C14orf132: variants seen among roughly 807,000 people sequenced by gnomAD.
The protein encoded by C14orf132 is chromosome 14 open reading frame 132.
C14orf132 carries 6 observed loss-of-function variants against 5.8 expected under a neutral mutation model. The observed-to-expected ratio is 1.03, with a 90% confidence interval of 0.57 to 2.04. C14orf132 has a LOEUF of 2.04. Ranked by LOEUF, C14orf132 falls within the 30% of genes most tolerant of loss-of-function variation. C14orf132 has a pLI of 0.00. For missense variants in C14orf132, 125 were observed against 115.8 expected (o/e 1.08, Z -0.37); for synonymous variants, 51 against 49.8 (o/e 1.02, Z -0.10).
In C14orf132 at chr14:96,092,100, T is replaced by C. The variant is rs768047482; in HGVS notation, c.*5365T>C. On this transcript the variant is annotated 3_prime_UTR_variant, in exon 2 of 2. Coordinates refer to ENST00000555004, the MANE Select transcript of C14orf132 (RefSeq NM_001252507.3). ...AAGTACACAAAATGGACGCCATAAA[T>C]TCTGAAATAAAAGTGTATGATGTGT... 2 of 152,202 alleles carry C rather than the reference T, an allele frequency of 1.3e-5. No individual in the cohort carries two copies. Among genetic ancestry groups the C allele is most frequent in the Non-Finnish European group, 2.9e-5 (2 of 68,036 alleles). The allele number at this position is 152,202 out of a possible 1,614,324, so 9.4% of individuals were successfully genotyped here. A position where few individuals can be genotyped will look rare whatever the true frequency, so the allele number is the denominator to read the frequency against.
chr14:96,081,006 G>C (rs1888017326), intron 1 of C14orf132, among the ~76,000 whole-genome samples: 1 of 152,100 alleles, frequency 6.6e-6, no homozygotes, highest in Non-Finnish European at 1.5e-5. Flanking sequence ...ACCAGAATAG[G>C]CCATTTATAA....
intron 1 of C14orf132, among the ~76,000 whole-genome samples, chr14:96,085,407 C>T (rs890909433): frequency 6.6e-6 from 1 of 152,212 alleles, no homozygotes; most frequent in African/African-American, 2.4e-5. Flanking sequence ...CCTGGGAAGC[C>T]TGGACATGGG....
intron 1 of C14orf132, among the ~76,000 whole-genome samples, chr14:96,064,122 G>A (rs1337912206): frequency 1.3e-5 from 2 of 152,062 alleles, no homozygotes; most frequent in African/African-American, 4.8e-5. Context: ...TGGTGGGAAT[G>A]TAAACTAGTA....
Position 96,039,368 on chromosome 14 carries a change from C to G in C14orf132, c.-133C>G, listed in dbSNP as rs1566819890. On this transcript the variant is annotated 5_prime_UTR_variant, in exon 1 of 2. Transcript: ENST00000555004. This position sits in a 1 kb window ranked among gnomAD's most constrained non-coding sequence, Gnocchi z 5.3. ...CTAGTAGAGATCTGGAGCCAGAAGC[C>G]CAGAGACAGCCGAGTGCGCCGTGCG... The G allele has an allele frequency of 6.7e-6, 6 of 900,296 alleles. No homozygotes were observed. The East Asian group carries it at 2.0e-4, about 30-fold the overall frequency. 55.8% of individuals were successfully genotyped at this position (900,296 alleles called of 1,614,324 possible). A position where few individuals can be genotyped will look rare whatever the true frequency, so the allele number is the denominator to read the frequency against.
At chr14:96,053,534 T>C (rs12897867) in intron 1 of C14orf132, among the ~76,000 whole-genome samples, 10,519 of 152,296 alleles carry the variant, frequency 0.069, 507 homozygotes, top group East Asian at 0.15. Context: ...GCCCCCAGAA[T>C]GGGACTCTCC....
rs934956437 is a variant in C14orf132, at chr14:96,090,759, C to A, written c.*4024C>A. Reference sequence around the variant, plus strand: ...AAGGCAGCAGATGCTTTTCCAGCCCCGGTTCAGCTGGAAGGCTTGGAGGCT... The same window carrying A: ...AAGGCAGCAGATGCTTTTCCAGCCCAGGTTCAGCTGGAAGGCTTGGAGGCT... On this transcript the variant is annotated 3_prime_UTR_variant, in exon 2 of 2. Coordinates refer to ENST00000555004, the MANE Select transcript of C14orf132 (RefSeq NM_001252507.3). 2 of 455,900 alleles carry A rather than the reference C, an allele frequency of 4.4e-6. No homozygotes were observed. The highest frequency in any genetic ancestry group is 1.4e-4 in the East Asian group (2 of 14,392). The allele number at this position is 455,900 out of a possible 1,614,324, so 28.2% of individuals were successfully genotyped here.
In C14orf132 at chr14:96,091,347, A is replaced by G. The variant is rs1888398911; in HGVS notation, c.*4612A>G. The G allele has an allele frequency of 6.7e-6, 2 of 300,026 alleles. No homozygotes were observed. The highest frequency in any genetic ancestry group is 9.4e-5 in the Admixed American group (2 of 21,310). 18.6% of individuals were successfully genotyped at this position (300,026 alleles called of 1,614,324 possible). A position where few individuals can be genotyped will look rare whatever the true frequency, so the allele number is the denominator to read the frequency against. On this transcript the variant is annotated 3_prime_UTR_variant, in exon 2 of 2. Coordinates refer to ENST00000555004, the MANE Select transcript of C14orf132 (RefSeq NM_001252507.3). ...GGATTTATCAGTTCCAGAACCTCAC[A>G]GTGATAAGAGGCTTTAGAGAGCATC...
Position 96,083,648 on chromosome 14 carries a change from A to G in C14orf132, c.28-2863A>G, listed in dbSNP as rs542089560. Among the ~76,000 whole-genome samples the G allele has an allele frequency of 5.3e-5, 8 of 152,352 alleles. No individual in the cohort carries two copies. In the South Asian group the frequency reaches 8.3e-4, roughly 16 times the overall value. On this transcript the variant is annotated intron_variant, in intron 1 of 1. Coordinates refer to ENST00000555004, the MANE Select transcript of C14orf132 (RefSeq NM_001252507.3). ...GAGCCCAGGAATGTGAGCGGCCTCT[A>G]GAAGCTGGGAAAGGCGAGAAAACAG...
chr14:96,070,430 C>T (rs948571092), intron 1 of C14orf132, among the ~76,000 whole-genome samples: 2 of 152,126 alleles, frequency 1.3e-5, no homozygotes, highest in Non-Finnish European at 2.9e-5. Context: ...CTAAAGTTCT[C>T]TCCTTGAGGA....
chr14:96,086,881 T>G lies in C14orf132; in HGVS notation c.*146T>G. 2 of 763,390 alleles carry G rather than the reference T, an allele frequency of 2.6e-6. No homozygotes were observed. Among genetic ancestry groups the G allele is most frequent in the Non-Finnish European group, 4.2e-6 (2 of 480,902 alleles). The allele number at this position is 763,390 out of a possible 1,614,324, so 47.3% of individuals were successfully genotyped here. Reference sequence around the variant, plus strand: ...TTCTGGAATTTCTCCCCAGCAGCCCTGATTTCAAATATCCCATGTTGTGGT... The same window carrying G: ...TTCTGGAATTTCTCCCCAGCAGCCCGGATTTCAAATATCCCATGTTGTGGT... On this transcript the variant is annotated 3_prime_UTR_variant, in exon 2 of 2. Coordinates refer to ENST00000555004, the MANE Select transcript of C14orf132 (RefSeq NM_001252507.3).
intron 1 of C14orf132, among the ~76,000 whole-genome samples, chr14:96,071,270 G>A (rs895765588): frequency 5.3e-5 from 8 of 152,068 alleles, no homozygotes; most frequent in Admixed American, 2.0e-4. Context: ...TCACTATCAC[G>A]AGAACAGCAG....
intron 1 of C14orf132, among the ~76,000 whole-genome samples, chr14:96,075,061 C>T (rs1251651311): frequency 1.3e-5 from 2 of 152,176 alleles, no homozygotes; most frequent in Non-Finnish European, 1.5e-5. Flanking sequence ...TAGTATTTCT[C>T]TCCATTTATT....
At position 96,090,285 on chromosome 14, in the gene C14orf132, A is replaced by C. The variant is rs1342479473; in HGVS notation, c.*3550A>C. The stretch of plus-strand genomic sequence containing the variant: ...CATGTGCCTGTAATCCCAGCTACTC[A>C]GGAGGCTGACACAGGAGAATTGCTT... On this transcript the variant is annotated 3_prime_UTR_variant, in exon 2 of 2. Coordinates refer to ENST00000555004, the MANE Select transcript of C14orf132 (RefSeq NM_001252507.3). The C allele has an allele frequency of 5.2e-6, 1 of 190,890 alleles. No homozygotes were observed. The highest frequency in any genetic ancestry group is 1.1e-5 in the Non-Finnish European group (1 of 93,398). The allele number at this position is 190,890 out of a possible 1,614,324, so 11.8% of individuals were successfully genotyped here. A position where few individuals can be genotyped will look rare whatever the true frequency, so the allele number is the denominator to read the frequency against.
chr14:96,092,031 A>G lies in C14orf132; in HGVS notation c.*5296A>G, dbSNP rs1247641795. 1 of 152,272 alleles carries G rather than the reference A, an allele frequency of 6.6e-6. No individual in the cohort carries two copies. Among genetic ancestry groups the G allele is most frequent in the African/African-American group, 2.4e-5 (1 of 41,466 alleles). The allele number at this position is 152,272 out of a possible 1,614,324, so 9.4% of individuals were successfully genotyped here. ...CTGAAGACGATCAAAGACTCCCTGG[A>G]GCGAGAAAACAGTTACTGCCAGAAG... On this transcript the variant is annotated 3_prime_UTR_variant, in exon 2 of 2. Coordinates refer to ENST00000555004, the MANE Select transcript of C14orf132 (RefSeq NM_001252507.3).
intron 1 of C14orf132, among the ~76,000 whole-genome samples, chr14:96,040,974 C>T (rs934149124): frequency 2.0e-5 from 3 of 152,174 alleles, no homozygotes; most frequent in African/African-American, 7.2e-5. Context: ...CCCTGCTAAC[C>T]CTGGAGCTGG....
Position 96,039,568 on chromosome 14 carries a change from T to C in C14orf132, c.27+41T>C. ...CCCCACGCGCCCCGGGCCGCCAAGT[T>C]TGGGGAGGTTCGGGGCCACGGTCTC... is the stretch of plus-strand genomic sequence containing the variant. On this transcript the variant is annotated intron_variant, in intron 1 of 1. Transcript: ENST00000555004. The surrounding 1 kb of genome is among the most constrained non-coding windows in gnomAD (Gnocchi z 5.3). 4.7e-6 allele frequency: 7 copies of C among 1,489,468 alleles called. No homozygotes were observed. Among genetic ancestry groups the C allele is most frequent in the Non-Finnish European group, 6.2e-6 (7 of 1,121,124 alleles). The allele number at this position is 1,489,468 out of a possible 1,614,324, so 92.3% of individuals were successfully genotyped here. A position where few individuals can be genotyped will look rare whatever the true frequency, so the allele number is the denominator to read the frequency against.
chr14:96,040,009 A>G (rs1241489050), intron 1 of C14orf132, among the ~76,000 whole-genome samples: 1 of 150,628 alleles, frequency 6.6e-6, no homozygotes, highest in Non-Finnish European at 1.5e-5. Context: ...CGCCTGAGGA[A>G]GGCTCTGAGA....
intron 1 of C14orf132, among the ~76,000 whole-genome samples, chr14:96,073,053 T>C (rs1887757286): frequency 3.3e-5 from 5 of 152,210 alleles, no homozygotes. Flanking sequence ...AAGAACTGGC[T>C]AAACTGCTTT....
chr14:96,069,868 C>T (rs560064161), intron 1 of C14orf132, among the ~76,000 whole-genome samples: 29 of 152,340 alleles, frequency 1.9e-4, no homozygotes, highest in Admixed American at 3.9e-4. Context: ...TTTTTACAGC[C>T]TGGAAGTTTA....
Sources: allele counts gnomAD v4.1 joint callset (sites outside exome capture counted in the v4.1 genomes callset), GRCh38; gene constraint gnomAD v4.1.1; non-coding constraint Gnocchi (gnomAD v3.1); transcripts MANE v1.5; gene names NCBI Gene and HGNC (gene_info 2026-07-23, HGNC 2026-07-21).